The following TDO2 variants were observed in gnomAD, a reference collection of about 807,000 sequenced individuals.
TDO2 encodes the protein tryptophan 2,3-dioxygenase, also known as tryptamin 2,3-dioxygenase.
A neutral mutation model predicts 61.2 loss-of-function variants in TDO2; 63 were observed. That is an observed-to-expected ratio of 1.03 (90% CI 0.84 to 1.27). The LOEUF is 1.27. TDO2 is among the 50% of genes most tolerant of loss of function. The pLI is 0.00. For synonymous variants in TDO2, 183 were observed against 164.0 expected, an observed-to-expected ratio of 1.12 and a Z score of -0.89; for missense variants, 494 against 469.5, an observed-to-expected ratio of 1.05 and a Z score of -0.48.
chr4:155,916,305 CTACAG>C (rs1444840425), intron 9 of TDO2, among the ~76,000 whole-genome samples: 1 of 145,586 alleles, frequency 6.9e-6, no homozygotes, highest in African/African-American at 2.5e-5. Flanking sequence ...GTAGCTGGGA[CTACAG>C]GCGCCCACCA....
At chr4:155,907,987 G>A (rs1301749324) in intron 4 of TDO2, among the ~76,000 whole-genome samples, 195 bp downstream of exon 4, 1 of 152,122 alleles carries the variant, frequency 6.6e-6, no homozygotes, top group African/African-American at 2.4e-5. Context: ...GTGACTTTAA[G>A]GTTCCTTTCA....
Position 155,905,088 on chromosome 4 carries a change from C to A in TDO2, c.163C>A (p.Gln55Lys), listed in dbSNP as rs751008035. 1.2e-5 allele frequency: 19 copies of A among 1,595,648 alleles called. No homozygotes were observed. The highest frequency in any genetic ancestry group is 1.5e-5 in the Non-Finnish European group (18 of 1,172,956). The stretch of plus-strand genomic sequence containing the variant: ...CAAGTTGGAAAAAGTTTTGAATGCA[C>A]AAGAACTGCAAAGTGAAACAAAAGG... ...YLHLEKVLNA[Q>K]ELQSETKGNK... is the part of the protein sequence containing the mutation. The change falls in exon 3 of 12, where the codon CAA becomes AAA. Residue 55 changes from glutamine to lysine, a missense_variant. Physicochemically the swap from Gln to Lys is moderately conservative, Grantham distance 53. Transcript: ENST00000536354.
At chr4:155,914,267 A>C (rs1205465126) in intron 7 of TDO2, 56 bp from the exon 8 acceptor site, 1 of 1,366,584 alleles carries the variant, frequency 7.3e-7, no homozygotes, top group Non-Finnish European at 1.0e-6. Context: ...AAGTTTTCTA[A>C]AATATCAATC....
intron 3 of TDO2, 24 bp downstream of exon 3, chr4:155,905,181 C>T: frequency 1.3e-6 from 2 of 1,485,590 alleles, no homozygotes; most frequent in Admixed American, 2.1e-5. Context: ...AGGTTTTGGA[C>T]AATATTCCAC....
intron 9 of TDO2, among the ~76,000 whole-genome samples, chr4:155,916,172 T>A (rs1000727775): frequency 2.8e-5 from 4 of 143,186 alleles, no homozygotes; most frequent in African/African-American, 1.0e-4. Flanking sequence ...TCCTTTTTTT[T>A]TTTTTTTTTT....
chr4:155,918,297 A>C, intron 11 of TDO2, 58 bp downstream of exon 11: 10 of 1,543,056 alleles, frequency 6.5e-6, no homozygotes, highest in Non-Finnish European at 8.9e-6. Flanking sequence ...TTGTTTCTCC[A>C]CCTATACATT....
intron 7 of TDO2, among the ~76,000 whole-genome samples, chr4:155,913,252 T>C (rs556619307): frequency 7.0e-4 from 106 of 152,234 alleles, no homozygotes; most frequent in African/African-American, 2.6e-3. Context: ...CTCATTGTTT[T>C]TAAAATTAAG....
chr4:155,920,131 T>G lies in TDO2; in HGVS notation c.*141T>G. 6.8e-6 allele frequency: 5 copies of G among 735,638 alleles called. No homozygotes were observed. Among genetic ancestry groups the G allele is most frequent in the Non-Finnish European group, 1.1e-5 (5 of 452,486 alleles). The allele number at this position is 735,638 out of a possible 1,614,324, so 45.6% of individuals were successfully genotyped here. A position where few individuals can be genotyped will look rare whatever the true frequency, so the allele number is the denominator to read the frequency against. On this transcript the variant is annotated 3_prime_UTR_variant, in exon 12 of 12. Transcript: ENST00000536354. ...GCTCTGATTTAATTCTAGAAACAAT[T>G]TGATTACCTCTTGTTTGTGACAAGA...
chr4:155,910,057 GT>G lies in TDO2; in HGVS notation c.467del (p.Leu156CysfsTer6). The G allele has an allele frequency of 6.3e-7, 1 of 1,581,514 alleles. No homozygotes were observed. The highest frequency in any genetic ancestry group is 1.2e-5 in the South Asian group (1 of 86,392). On this transcript the variant is annotated frameshift_variant, in exon 6 of 12. Transcript: ENST00000536354. LOFTEE classifies it high-confidence loss of function. Reference sequence around the variant, plus strand: ...TTATCTCCAGCATCAGGCTTCCAGAGTTTGCAATTCCGACTATTAGAAAACA... The same window carrying G: ...TTATCTCCAGCATCAGGCTTCCAGAGTTGCAATTCCGACTATTAGAAAACA... ...EYLSPASGFQ[S>X]LQFRLLENKI...
In TDO2 at chr4:155,905,113, G is replaced by A; in HGVS notation, c.188G>A (p.Gly63Glu). 6.2e-7 allele frequency: 1 copy of A among 1,601,108 alleles called. No individual in the cohort carries two copies. Among genetic ancestry groups the A allele is most frequent in the Non-Finnish European group, 8.5e-7 (1 of 1,174,586 alleles). ...NAQELQSETK[G>E]NKIHDEHLFI... is the part of the protein sequence containing the mutation. ...CAAGAACTGCAAAGTGAAACAAAAGGAAATAAAATCCATGATGAACATCTT... is the reference window on the plus strand; with the variant it reads ...CAAGAACTGCAAAGTGAAACAAAAGAAAATAAAATCCATGATGAACATCTT... The change falls in exon 3 of 12, where the codon GGA (glycine) becomes GAA (glutamate). Residue 63 changes from glycine to glutamate, a missense_variant. Coordinates refer to ENST00000536354, the MANE Select transcript of TDO2 (RefSeq NM_005651.4).
At chr4:155,909,343 A>G (rs1185506045) in intron 5 of TDO2, among the ~76,000 whole-genome samples, 1 of 152,198 alleles carries the variant, frequency 6.6e-6, no homozygotes, top group African/African-American at 2.4e-5. Context: ...AAAGATATAA[A>G]AACTCAAAAC....
In TDO2 at chr4:155,911,629, T is replaced by C. The variant is rs765177781; in HGVS notation, c.726+25T>C. The C allele has an allele frequency of 2.1e-6, 3 of 1,412,984 alleles. No individual in the cohort carries two copies. In the Admixed American group the frequency reaches 6.8e-5, roughly 32 times the overall value. 87.5% of individuals were successfully genotyped at this position (1,412,984 alleles called of 1,614,324 possible). A position where few individuals can be genotyped will look rare whatever the true frequency, so the allele number is the denominator to read the frequency against. ...GGTATTTAGATGACATGAGTTAATA[T>C]AAATTCAATACAGAAATATTCAAAA... is the stretch of plus-strand genomic sequence containing the variant. On this transcript the variant is annotated intron_variant, in intron 7 of 11. Coordinates refer to ENST00000536354, the MANE Select transcript of TDO2 (RefSeq NM_005651.4).
intron 5 of TDO2, among the ~76,000 whole-genome samples, chr4:155,909,785 T>C (rs1398880841): frequency 6.6e-6 from 1 of 151,304 alleles, no homozygotes; most frequent in African/African-American, 2.4e-5. Flanking sequence ...TCTCTTACAA[T>C]AGAAGAAACC....
At position 155,910,029 on chromosome 4, in the gene TDO2, T is replaced by C; in HGVS notation, c.436T>C (p.Tyr146His). 6.4e-7 allele frequency: 1 copy of C among 1,558,032 alleles called. No individual in the cohort carries two copies. The highest frequency in any genetic ancestry group is 8.6e-7 in the Non-Finnish European group (1 of 1,159,884). The change falls in exon 6 of 12, where the codon TAC becomes CAC. Residue 146 changes from tyrosine (Y) to histidine (H), a missense_variant. Tyr to His is a moderately conservative substitution (Grantham distance 83). Coordinates refer to ENST00000536354, the MANE Select transcript of TDO2 (RefSeq NM_005651.4). ...TALDFNDFRE[Y>H]LSPASGFQSL... ...TTCCACCATTTAATCTCAAAGAGAG[T>C]ACTTATCTCCAGCATCAGGCTTCCA...
chr4:155,918,052 C>T (rs1176136150), intron 10 of TDO2, 97 bp from the exon 11 acceptor site: 1 of 1,203,410 alleles, frequency 8.3e-7, no homozygotes, highest in African/African-American at 1.5e-5. Flanking sequence ...TCAACATTTT[C>T]TCAGAAGCAA....
rs1742805160 is a variant in TDO2, at chr4:155,910,195, T to C, written c.602T>C (p.Leu201Pro). The part of the protein sequence containing the change: ...LLLKSEQEKT[L>P]LELVEAWLER... The stretch of plus-strand genomic sequence containing the variant: ...CTTAAATCTGAGCAGGAAAAGACAC[T>C]TCTGGAATTAGTGGAGGTATGGATT... Residue 201 changes from leucine (L) to proline (P), a missense_variant, in exon 6 of 12, where the codon CTT (leucine) becomes CCT (proline). By Grantham distance (98) the Leu-to-Pro change is moderately conservative. Coordinates refer to ENST00000536354, the MANE Select transcript of TDO2 (RefSeq NM_005651.4). The C allele has an allele frequency of 1.9e-6, 3 of 1,578,346 alleles. No homozygotes were observed. Among genetic ancestry groups the C allele is most frequent in the Non-Finnish European group, 2.6e-6 (3 of 1,166,930 alleles).
chr4:155,917,254 G>A, intron 9 of TDO2, 141 bp from the exon 10 acceptor site: 1 of 608,896 alleles, frequency 1.6e-6, no homozygotes, highest in Non-Finnish European at 2.8e-6. Flanking sequence ...GAGACTGAGA[G>A]AATAAGCCAA....
rs1367066394 is a variant in TDO2 at position 155,910,211 on chromosome 4, G to A, written c.618G>A (p.Glu206=). 2 of 1,559,078 alleles carry A rather than the reference G, an allele frequency of 1.3e-6. No individual in the cohort carries two copies. Among genetic ancestry groups the A allele is most frequent in the Non-Finnish European group, 8.6e-7 (1 of 1,160,602 alleles). ...EQEKTLLELV[E]AWLERTPGLE... is the part of the protein sequence containing the mutation. ...AAAAGACACTTCTGGAATTAGTGGA[G>A]GTATGGATTCATACAATTTATAAAG... is the stretch of plus-strand genomic sequence containing the variant. The change falls in exon 6 of 12, where the codon GAG becomes GAA. Residue 206 remains glutamate (E), a splice_region_variant and synonymous_variant. Transcript: ENST00000536354.
At chr4:155,914,489 A>T (rs774039501) in intron 8 of TDO2, 55 bp downstream of exon 8, 2 of 1,231,186 alleles carry the variant, frequency 1.6e-6, no homozygotes, top group Non-Finnish European at 2.2e-6. Context: ...TATGAGATCA[A>T]GACATCATTT....
Sources: gnomAD v4.1 joint callset for allele counts (sites outside exome capture counted in the v4.1 genomes callset) on GRCh38, gnomAD v4.1.1 for gene constraint, MANE v1.5 for transcripts, NCBI Gene and HGNC (gene_info 2026-07-23, HGNC 2026-07-21) for gene names.